The following TRDN variants were observed in gnomAD, a reference collection of about 807,000 sequenced individuals.
The protein encoded by TRDN is triadin.
Under a neutral mutation model 149.7 loss-of-function variants are expected in TRDN, and 161 were observed. The observed-to-expected ratio is 1.08, with a 90% CI of 0.95 to 1.23. The LOEUF is 1.23. Ranked by LOEUF, TRDN falls within the 50% of genes most tolerant of loss-of-function variation. The pLI is 0.00. For missense variants in TRDN, 896 were observed against 823.5 expected (o/e 1.09, Z -1.08); for synonymous variants, 294 against 250.5 (o/e 1.17, Z -1.64).
At position 123,594,574 on chromosome 6, in the gene TRDN, A is replaced by G. The variant is rs185427277; in HGVS notation, c.23-23442T>C. On this transcript the variant is annotated intron_variant, in intron 1 of 40. Transcript: ENST00000334268. The stretch of plus-strand genomic sequence containing the variant: ...CTTATCCCAGAAAAAGAAAATTTTT[A>G]TCTAATGATTTAAAAATGTCCAAAG... 1.3e-3 allele frequency among the ~76,000 whole-genome samples: 195 copies of G among 152,204 alleles called. 4 individuals carry two copies. In the East Asian group the frequency reaches 0.03, roughly 24 times the overall value.
At chr6:123,255,058 G>A in intron 37 of TRDN, 23 bp downstream of exon 37, 1 of 1,260,418 alleles carries the variant, frequency 7.9e-7, no homozygotes, top group South Asian at 1.4e-5. Flanking sequence ...TACAAACATA[G>A]TAGTTACGTA....
chr6:123,574,394 A>C (rs1202411514), intron 1 of TRDN, among the ~76,000 whole-genome samples: 1 of 151,984 alleles, frequency 6.6e-6, no homozygotes, highest in African/African-American at 2.4e-5. Context: ...AAAAGGACTC[A>C]TATAATATCT....
At chr6:123,254,246 T>C (rs1222544745) in intron 37 of TRDN, among the ~76,000 whole-genome samples, 1 of 152,104 alleles carries the variant, frequency 6.6e-6, no homozygotes, top group African/African-American at 2.4e-5. Flanking sequence ...CAAATGTAAT[T>C]GCCCTTCAAT....
intron 1 of TRDN, among the ~76,000 whole-genome samples, chr6:123,579,201 G>A (rs1783001479): frequency 6.6e-6 from 1 of 152,152 alleles, no homozygotes; most frequent in Non-Finnish European, 1.5e-5. Context: ...GTAGGAGAGA[G>A]CATCATTTTC....
At chr6:123,313,624 G>T (rs1176482407) in intron 24 of TRDN, among the ~76,000 whole-genome samples, 1 of 151,818 alleles carries the variant, frequency 6.6e-6, no homozygotes, top group Non-Finnish European at 1.5e-5. Context: ...GGCAAAAATG[G>T]CAGCCCTTCC....
chr6:123,629,162 T>C (rs1379539191), intron 1 of TRDN, among the ~76,000 whole-genome samples: 1 of 152,126 alleles, frequency 6.6e-6, no homozygotes, highest in Non-Finnish European at 1.5e-5. Flanking sequence ...TGACATTATA[T>C]TAAATGTCTT....
intron 21 of TRDN, among the ~76,000 whole-genome samples, chr6:123,340,743 G>A (rs2114256152): frequency 6.6e-6 from 1 of 151,920 alleles, no homozygotes; most frequent in Non-Finnish European, 1.5e-5. Flanking sequence ...TCTTCTGATG[G>A]AAAGAATAAT....
chr6:123,297,347 T>G (rs966101242), intron 24 of TRDN, among the ~76,000 whole-genome samples: 1 of 152,036 alleles, frequency 6.6e-6, no homozygotes, highest in Non-Finnish European at 1.5e-5. Context: ...ATTAAAGTGA[T>G]GTTGAAGAGA....
intron 38 of TRDN, among the ~76,000 whole-genome samples, chr6:123,251,919 A>G (rs145304681): frequency 8.5e-5 from 13 of 152,142 alleles, no homozygotes; most frequent in East Asian, 3.9e-4. Flanking sequence ...TCTTAGATAT[A>G]CAATTATATT....
rs779013739 is a variant in TRDN, at chr6:123,438,087, T to A, written c.1027A>T (p.Thr343Ser). ...EDIKKKSEKE[T>S]AIDVEKKEPG... is the part of the protein sequence containing the mutation. ...CCTTTTTTTTCCACATCAATGGCAG[T>A]TTCCTTCTCACTTTTCTTTTTGATA... Residue 343 changes from threonine to serine, a missense_variant, in exon 12 of 41, where the codon ACT (threonine) becomes TCT (serine). Transcript: ENST00000334268. 6.3e-7 allele frequency: 1 copy of A among 1,596,768 alleles called. No individual in the cohort carries two copies. The highest frequency in any genetic ancestry group is 2.2e-5 in the East Asian group (1 of 44,552).
At chr6:123,544,458 A>G (rs930685796) in intron 4 of TRDN, among the ~76,000 whole-genome samples, 74 of 152,192 alleles carry the variant, frequency 4.9e-4, no homozygotes, top group African/African-American at 1.7e-3. Context: ...TTCAAATGAC[A>G]TTCAATTCCT....
At chr6:123,526,517 T>A (rs1779959268) in intron 5 of TRDN, among the ~76,000 whole-genome samples, 1 of 152,040 alleles carries the variant, frequency 6.6e-6, no homozygotes, top group Non-Finnish European at 1.5e-5. Context: ...CAGGCAAAAA[T>A]GTGGCTCTAC....
In TRDN at chr6:123,584,592, C is replaced by T. The variant is rs191420612; in HGVS notation, c.23-13460G>A. On this transcript the variant is annotated intron_variant, in intron 1 of 40. Coordinates refer to ENST00000334268, the MANE Select transcript of TRDN (RefSeq NM_006073.4). ...GCACGTGTGTTTTTATGAGATTATG[C>T]CGAGATAGGTAACAGATGAGGATGA... Among the ~76,000 whole-genome samples, 19 of 152,120 alleles carry T rather than the reference C, an allele frequency of 1.2e-4. No homozygotes were observed. The East Asian group carries it at 3.5e-3, about 28-fold the overall frequency.
At chr6:123,337,738 T>C (rs567652569) in intron 21 of TRDN, 69 bp from the exon 22 acceptor site, 172 of 925,150 alleles carry the variant, frequency 1.9e-4, no homozygotes, top group South Asian at 1.5e-3. Context: ...AGTCTCTTCA[T>C]GTGTTTTGTA....
intron 7 of TRDN, among the ~76,000 whole-genome samples, chr6:123,510,825 C>T (rs1461918657): frequency 6.6e-6 from 1 of 151,858 alleles, no homozygotes; most frequent in Non-Finnish European, 1.5e-5. Context: ...TTAATTTTTA[C>T]TAGAGACAGG....
intron 8 of TRDN, among the ~76,000 whole-genome samples, chr6:123,499,719 A>AAAAAAAAAAATATATATATATATATATAT: frequency 2.1e-5 from 1 of 47,678 alleles, no homozygotes; most frequent in Non-Finnish European, 4.5e-5. Flanking sequence ...AAAAAAAAAA[A>AAAAAAAAAAATATATATATATATATATAT]ATATATATAT....
intron 38 of TRDN, among the ~76,000 whole-genome samples, chr6:123,242,091 A>C (rs1178947981): frequency 6.6e-6 from 1 of 152,160 alleles, no homozygotes; most frequent in Non-Finnish European, 1.5e-5. Context: ...ATATCTTGCC[A>C]GGGCCATCCC....
chr6:123,346,196 T>G (rs1338465972), intron 21 of TRDN, among the ~76,000 whole-genome samples: 1 of 152,020 alleles, frequency 6.6e-6, no homozygotes, highest in Non-Finnish European at 1.5e-5. Context: ...GTTTAAGAAT[T>G]TTCTGTCTAT....
intron 10 of TRDN, among the ~76,000 whole-genome samples, chr6:123,448,059 G>A (rs933059936): frequency 3.9e-5 from 6 of 152,222 alleles, no homozygotes; most frequent in African/African-American, 9.6e-5. Flanking sequence ...AAATGCAGGG[G>A]CAGAGGAAGC....
Sources: gnomAD v4.1 joint callset for allele counts (sites outside exome capture counted in the v4.1 genomes callset) on GRCh38, gnomAD v4.1.1 for gene constraint, MANE v1.5 for transcripts, NCBI Gene and HGNC (gene_info 2026-07-23, HGNC 2026-07-21) for gene names.